HPN: variants seen among roughly 807,000 people sequenced by gnomAD.
The protein encoded by HPN is hepsin.
HPN carries 13 observed loss-of-function variants against 55.9 expected under a neutral mutation model. The observed-to-expected ratio is 0.23, with a 90% CI of 0.15 to 0.37. The LOEUF (loss-of-function observed/expected upper bound fraction) is 0.37, where lower values mean the gene tolerates loss of function less well. HPN is among the 10% of genes least tolerant of loss of function. The pLI, the probability that HPN is intolerant of heterozygous loss-of-function variation, is 1.00. For synonymous variants in HPN, 225 were observed against 240.3 expected, an observed-to-expected ratio of 0.94 and a Z score of 0.59; for missense variants, 451 against 575.8, an observed-to-expected ratio of 0.78 and a Z score of 2.22.
At chr19:35,063,382 C>T (rs2064559242) in intron 9 of HPN, among the ~76,000 whole-genome samples, 1 of 152,172 alleles carries the variant, frequency 6.6e-6, no homozygotes. Context: ...GTACTGGTTT[C>T]CCATTGAAGG....
In HPN at chr19:35,064,344, TC is replaced by T. The variant is rs1600398459; in HGVS notation, c.812-905del. ...TCTCTCTCTCTCTCTCTCTCTTTCTTCTCTCTCTCTCTTTCTTTTTTTGAGA... is the reference window on the plus strand; with the variant it reads ...TCTCTCTCTCTCTCTCTCTCTTTCTTTCTCTCTCTCTTTCTTTTTTTGAGA... On this transcript the variant is annotated intron_variant, in intron 9 of 12. Coordinates refer to ENST00000672452, the MANE Select transcript of HPN (RefSeq NM_001384133.1). Among the ~76,000 whole-genome samples, 9 of 149,968 alleles carry T rather than the reference TC, an allele frequency of 6.0e-5. No individual in the cohort carries two copies. In the East Asian group the frequency reaches 1.8e-3, roughly 29 times the overall value.
At chr19:35,057,373 C>A (rs1267855246) in intron 4 of HPN, among the ~76,000 whole-genome samples, 2 of 151,224 alleles carry the variant, frequency 1.3e-5, no homozygotes, top group African/African-American at 4.9e-5. Flanking sequence ...TTACAGTGAC[C>A]CAAGGTTGCA....
intron 9 of HPN, among the ~76,000 whole-genome samples, chr19:35,062,043 G>A (rs1347724064): frequency 8.7e-6 from 1 of 115,016 alleles, no homozygotes; most frequent in Non-Finnish European, 1.9e-5. Flanking sequence ...GGGTAACAGA[G>A]CAAAACCTTG....
At chr19:35,056,171 C>G (rs1386595624) in intron 4 of HPN, among the ~76,000 whole-genome samples, 3 of 152,126 alleles carry the variant, frequency 2.0e-5, no homozygotes, top group Non-Finnish European at 2.9e-5. Context: ...CAGGGACGCT[C>G]TCCTTGCAGC....
chr19:35,054,178 G>A (rs1156977057), intron 4 of HPN, among the ~76,000 whole-genome samples: 11 of 152,208 alleles, frequency 7.2e-5, no homozygotes, highest in Admixed American at 5.2e-4. Context: ...AGCACTTGGG[G>A]AGGCCAAGGC....
intron 4 of HPN, among the ~76,000 whole-genome samples, chr19:35,053,366 C>T (rs1459978569): frequency 1.3e-5 from 2 of 152,202 alleles, no homozygotes; most frequent in Admixed American, 6.5e-5. Context: ...GTGTTTCAAA[C>T]TCCAAGCCTT....
At chr19:35,058,037 C>T (rs1427707356) in intron 4 of HPN, among the ~76,000 whole-genome samples, 3 of 150,162 alleles carry the variant, frequency 2.0e-5, no homozygotes, top group South Asian at 2.1e-4. Flanking sequence ...TCTGTAATCC[C>T]AGCCACTCGG....
chr19:35,055,838 G>C (rs1013725195), intron 4 of HPN, among the ~76,000 whole-genome samples: 2 of 152,200 alleles, frequency 1.3e-5, no homozygotes, highest in African/African-American at 4.8e-5. Context: ...ATGGGGGCCA[G>C]GTACAGTGGC....
intron 4 of HPN, among the ~76,000 whole-genome samples, chr19:35,055,332 G>A (rs1041431210): frequency 6.6e-6 from 1 of 151,944 alleles, no homozygotes; most frequent in Admixed American, 6.6e-5. Flanking sequence ...AGGAGGTTGA[G>A]GCTGCAATGA....
At chr19:35,059,535 G>A in intron 4 of HPN, 138 bp from the exon 5 acceptor site, 1 of 1,089,062 alleles carries the variant, frequency 9.2e-7, no homozygotes, top group Non-Finnish European at 1.4e-6. Context: ...AGATGTGGGG[G>A]CTGCAACCCT....
chr19:35,066,067 G>A (rs1456894457), intron 12 of HPN, 35 bp downstream of exon 12: 1 of 1,609,782 alleles, frequency 6.2e-7, no homozygotes, highest in Admixed American at 1.7e-5. Context: ...CCAGGGTGGG[G>A]ACGTTTGGGT....
chr19:35,042,607 A>T (rs961232552), intron 2 of HPN, 85 bp downstream of exon 2: 2 of 1,181,200 alleles, frequency 1.7e-6, no homozygotes, highest in Non-Finnish European at 2.4e-6. Flanking sequence ...TACTCTTCGG[A>T]GCCCCCTCTC....
chr19:35,064,639 T>G (rs1404952616), intron 9 of HPN, among the ~76,000 whole-genome samples: 2 of 152,044 alleles, frequency 1.3e-5, no homozygotes, highest in African/African-American at 4.8e-5. Context: ...AAACAAGCTG[T>G]GTTAAAACAT....
At chr19:35,050,637 C>T in intron 4 of HPN, 2 of 742,010 alleles carry the variant, frequency 2.7e-6, no homozygotes, top group Admixed American at 5.6e-5. Context: ...CTGCCATTCC[C>T]TGATGCAGGA....
chr19:35,057,905 C>G (rs2064472767), intron 4 of HPN, among the ~76,000 whole-genome samples: 1 of 152,068 alleles, frequency 6.6e-6, no homozygotes, highest in Non-Finnish European at 1.5e-5. Context: ...AATCGCAGCA[C>G]TTTGGGAGGC....
chr19:35,041,990 G>A, intron 1 of HPN, 118 bp downstream of exon 1: 1 of 1,183,856 alleles, frequency 8.4e-7, no homozygotes, highest in Non-Finnish European at 1.1e-6. Context: ...CCTGAAGAGG[G>A]GGCACTATGA....
chr19:35,065,429 A>G, intron 10 of HPN, 84 bp downstream of exon 10: 2 of 1,560,094 alleles, frequency 1.3e-6, no homozygotes, highest in Non-Finnish European at 1.8e-6. Context: ...TGGTTGGATG[A>G]GTCTTGACCA....
chr19:35,054,883 C>T (rs914283814), intron 4 of HPN, among the ~76,000 whole-genome samples: 2 of 152,150 alleles, frequency 1.3e-5, no homozygotes, highest in Non-Finnish European at 2.9e-5. Context: ...TCCCAACCTG[C>T]GGGGCTGTGG....
chr19:35,049,802 C>T lies in HPN; in HGVS notation c.160+286C>T, dbSNP rs961136571. Among the ~76,000 whole-genome samples, 5 of 149,806 alleles carry T rather than the reference C, an allele frequency of 3.3e-5. No homozygotes were observed. The East Asian group carries it at 9.8e-4, about 29-fold the overall frequency. On this transcript the variant is annotated intron_variant, in intron 4 of 12. Transcript: ENST00000672452. ...TTTTTTTTTAAGTATGAAATAGATT[C>T]GATTACAGACTATCACAGTACATCT...
Sources: allele counts gnomAD v4.1 joint callset (sites outside exome capture counted in the v4.1 genomes callset), GRCh38; gene constraint gnomAD v4.1.1; transcripts MANE v1.5; gene names NCBI Gene and HGNC (gene_info 2026-07-23, HGNC 2026-07-21).